Variants in CCKAR observed in about 807,000 individuals in gnomAD.
CCKAR encodes the protein cholecystokinin receptor type A.
Under a neutral mutation model 29.8 loss-of-function variants are expected in CCKAR, and 21 were observed. That is an observed-to-expected ratio of 0.70 (90% confidence interval 0.50 to 1.01). The LOEUF (loss-of-function observed/expected upper bound fraction) is 1.01, where lower values mean the gene tolerates loss of function less well. Among genes scored for constraint, CCKAR ranks in the 50% least tolerant of loss-of-function variants. The probability of loss-of-function intolerance (pLI) is 0.00; values close to 1 mark genes in which losing one functional copy is unlikely to be tolerated. For synonymous variants in CCKAR, 238 were observed against 221.3 expected (o/e 1.08, Z -0.67); for missense variants, 570 against 560.6 (o/e 1.02, Z -0.17).
At chr4:26,486,711 T>C (rs1301387442) in intron 2 of CCKAR, among the ~76,000 whole-genome samples, 1 of 152,074 alleles carries the variant, frequency 6.6e-6, no homozygotes, top group Admixed American at 6.5e-5. Flanking sequence ...GTCAGGAGCT[T>C]GAGACCAGCC....
At chr4:26,485,452 T>C (rs1180524816) in intron 3 of CCKAR, among the ~76,000 whole-genome samples, 185 bp downstream of exon 3, 1 of 152,202 alleles carries the variant, frequency 6.6e-6, no homozygotes, top group Non-Finnish European at 1.5e-5. Context: ...GCATGGCATT[T>C]AAAACAGAGC....
chr4:26,481,805 T>G lies in CCKAR; in HGVS notation c.1120A>C (p.Asn374His). ...CVNPIIYCFMNKRFRLGFMAT... is the reference protein window; with the variant it reads ...CVNPIIYCFMHKRFRLGFMAT... ...ATGAAGCCGAGGCGGAAGCGTTTGT[T>G]CATGAAGCAGTAGATGATGGGGTTG... is the stretch of plus-strand genomic sequence containing the variant. The change falls in exon 5 of 5, where the codon AAC becomes CAC. Residue 374 changes from asparagine to histidine, a missense_variant. Coordinates refer to ENST00000295589, the MANE Select transcript of CCKAR (RefSeq NM_000730.3). 1.2e-6 allele frequency: 2 copies of G among 1,613,858 alleles called. No homozygotes were observed. Among genetic ancestry groups the G allele is most frequent in the Non-Finnish European group, 8.5e-7 (1 of 1,179,906 alleles).
chr4:26,482,061 G>A lies in CCKAR; in HGVS notation c.864C>T (p.Gly288=), dbSNP rs1179820553. The A allele has an allele frequency of 1.2e-6, 2 of 1,614,222 alleles. No homozygotes were observed. ...GGATGCGGTTGGCCCTGCTGCTGCT[G>A]CCGGTGGACAGCTGCCGGAGCTCCA... The part of the protein sequence containing the change: ...RKLELRQLST[G]SSSRANRIRS... The change falls in exon 5 of 5, where the codon GGC becomes GGT. Residue 288 remains glycine, a synonymous_variant. Coordinates refer to ENST00000295589, the MANE Select transcript of CCKAR (RefSeq NM_000730.3).
chr4:26,490,110 C>G lies in CCKAR; in HGVS notation c.112+46G>C, dbSNP rs200910008. The G allele has an allele frequency of 7.2e-5, 92 of 1,272,906 alleles. 1 individual carries two copies. The Middle Eastern group carries it at 9.3e-4, about 13-fold the overall frequency. The allele number at this position is 1,272,906 out of a possible 1,614,324, so 78.9% of individuals were successfully genotyped here. ...GCCTTGCCTTTGCTGATTTCTCCCA[C>G]AACTCAATAGTTTCCTGAATTAAAA... On this transcript the variant is annotated intron_variant, in intron 1 of 4. Transcript: ENST00000295589.
In CCKAR at chr4:26,490,146, C is replaced by T. The variant is rs1800856; in HGVS notation, c.112+10G>A. 13,613 of 1,583,332 alleles carry T rather than the reference C, an allele frequency of 8.6e-3. 428 individuals carry two copies. The East Asian group carries it at 0.11, about 13-fold the overall frequency. On this transcript the variant is annotated intron_variant, in intron 1 of 4. Transcript: ENST00000295589. ...TTTCCTGAATTAAAATAACAGCTTC[C>T]GACACTTACCTTTGGAAGGACGGGG...
At chr4:26,489,897 G>T (rs999475022) in intron 1 of CCKAR, among the ~76,000 whole-genome samples, 8 of 151,954 alleles carry the variant, frequency 5.3e-5, no homozygotes, top group Admixed American at 2.0e-4. Context: ...AGTCCCTCTT[G>T]CTTCACTCAG....
At chr4:26,487,967 G>C (rs930496650) in intron 2 of CCKAR, among the ~76,000 whole-genome samples, 1 of 150,052 alleles carries the variant, frequency 6.7e-6, no homozygotes, top group Non-Finnish European at 1.5e-5. Flanking sequence ...CACATTCTTG[G>C]TTTTTGGTGG....
rs1389120778 is a variant in CCKAR at position 26,490,367 on chromosome 4, C to T, written c.-100G>A. 6 of 775,236 alleles carry T rather than the reference C, an allele frequency of 7.7e-6. No individual in the cohort carries two copies. The highest frequency in any genetic ancestry group is 2.1e-5 in the Admixed American group (1 of 48,550). 48.0% of individuals were successfully genotyped at this position (775,236 alleles called of 1,614,324 possible). The stretch of plus-strand genomic sequence containing the variant: ...GAAGCGTCTCGCAGATGCAACCTGC[C>T]GTGGAGGAGCAGGGAGGGAGTGATT... On this transcript the variant is annotated 5_prime_UTR_variant, in exon 1 of 5. Coordinates refer to ENST00000295589, the MANE Select transcript of CCKAR (RefSeq NM_000730.3).
In CCKAR at chr4:26,485,751, G is replaced by A. The variant is rs200717386; in HGVS notation, c.512C>T (p.Thr171Ile). The change falls in exon 3 of 5, where the codon ACC becomes ATC. Residue 171 changes from threonine to isoleucine, a missense_variant. Coordinates refer to ENST00000295589, the MANE Select transcript of CCKAR (RefSeq NM_000730.3). ...ATAAATGGGGTACGGAGTCATGATG[G>A]TAAAGGAAAGGCACCAGGTAGCAGC... ...VIAATWCLSF[T>I]IMTPYPIYSN... The A allele has an allele frequency of 1.2e-6, 2 of 1,614,166 alleles. No homozygotes were observed. The highest frequency in any genetic ancestry group is 1.7e-6 in the Non-Finnish European group (2 of 1,180,040).
chr4:26,483,383 G>T, intron 3 of CCKAR, 100 bp from the exon 4 acceptor site: 1 of 1,134,920 alleles, frequency 8.8e-7, no homozygotes, highest in Non-Finnish European at 1.2e-6. Flanking sequence ...ACTGGCCTGA[G>T]CAAACACATT....
chr4:26,484,795 A>G (rs1737414505), intron 3 of CCKAR, among the ~76,000 whole-genome samples: 1 of 151,242 alleles, frequency 6.6e-6, no homozygotes, highest in Non-Finnish European at 1.5e-5. Context: ...TAATTCCAGC[A>G]CTTTGGGAGG....
At chr4:26,488,070 T>G (rs972306638) in intron 2 of CCKAR, among the ~76,000 whole-genome samples, 7 of 152,170 alleles carry the variant, frequency 4.6e-5, no homozygotes, top group Non-Finnish European at 7.3e-5. Flanking sequence ...TTCTGGTCAT[T>G]GAAGACTGCC....
In CCKAR at chr4:26,489,282, C is replaced by T; in HGVS notation, c.315G>A (p.Lys105=). ...MPFNLIPNLL[K]DFIFGSAVCK... ...AAACGGCGCTCCCGAAGATGAAATC[C>T]TTGAGCAGATTGGGGATGAGGTTGA... is the stretch of plus-strand genomic sequence containing the variant. The change falls in exon 2 of 5, where the codon AAG becomes AAA. Residue 105 remains lysine, a synonymous_variant. Coordinates refer to ENST00000295589, the MANE Select transcript of CCKAR (RefSeq NM_000730.3). The T allele has an allele frequency of 6.2e-7, 1 of 1,614,142 alleles. No individual in the cohort carries two copies. Among genetic ancestry groups the T allele is most frequent in the Non-Finnish European group, 8.5e-7 (1 of 1,180,034 alleles).
At chr4:26,487,627 A>G (rs1577708506) in intron 2 of CCKAR, among the ~76,000 whole-genome samples, 1 of 152,238 alleles carries the variant, frequency 6.6e-6, no homozygotes, top group East Asian at 1.9e-4. Context: ...ATGGTATTGC[A>G]AATACTTTCA....
chr4:26,484,859 T>C (rs1377611564), intron 3 of CCKAR, among the ~76,000 whole-genome samples: 1 of 119,720 alleles, frequency 8.4e-6, no homozygotes, highest in Non-Finnish European at 1.7e-5. Context: ...CTAGGCAATA[T>C]AGTGAGACCC....
chr4:26,485,690 C>T lies in CCKAR; in HGVS notation c.573G>A (p.Gln191=). The T allele has an allele frequency of 6.2e-7, 1 of 1,614,140 alleles. No individual in the cohort carries two copies. The highest frequency in any genetic ancestry group is 8.5e-7 in the Non-Finnish European group (1 of 1,180,036). The change falls in exon 3 of 5, where the codon CAG becomes CAA. Residue 191 remains glutamine, a synonymous_variant. Coordinates refer to ENST00000295589, the MANE Select transcript of CCKAR (RefSeq NM_000730.3). ...GTAGAAAGCGGCACATATTCGCGGT[C>T]TGGTTGTTATTTTTGGTAAAAGGCA... ...NLVPFTKNNN[Q]TANMCRFLLP... is the part of the protein sequence containing the mutation.
intron 2 of CCKAR, among the ~76,000 whole-genome samples, chr4:26,486,973 T>C (rs911751704): frequency 9.9e-5 from 15 of 152,132 alleles, no homozygotes; most frequent in Admixed American, 5.2e-4. Flanking sequence ...GGAAAAAAAA[T>C]TAAAATAAAA....
chr4:26,483,187 T>A lies in CCKAR; in HGVS notation c.723A>T (p.Lys241Asn). Residue 241 changes from lysine to asparagine, a missense_variant, in exon 4 of 5, where the codon AAA becomes AAT. Physicochemically the swap from Lys to Asn is moderately conservative, Grantham distance 94. Transcript: ENST00000295589. ...LISLELYQGI[K>N]FEASQKKSAK... ...CAGACTTCTTCTGGCTAGCCTCAAA[T>A]TTTATTCCCTGGTAGAGTTCCAAAG... The A allele has an allele frequency of 1.2e-6, 2 of 1,613,878 alleles. No individual in the cohort carries two copies. Among genetic ancestry groups the A allele is most frequent in the Non-Finnish European group, 1.7e-6 (2 of 1,179,918 alleles).
chr4:26,487,556 G>A (rs1291822718), intron 2 of CCKAR, among the ~76,000 whole-genome samples: 2 of 152,154 alleles, frequency 1.3e-5, no homozygotes, highest in Non-Finnish European at 2.9e-5. Context: ...TAGTATTGAG[G>A]AGACTGCAAA....
Sources: gnomAD v4.1 joint callset for allele counts (sites outside exome capture counted in the v4.1 genomes callset) on GRCh38, gnomAD v4.1.1 for gene constraint, MANE v1.5 for transcripts, NCBI Gene and HGNC (gene_info 2026-07-23, HGNC 2026-07-21) for gene names.